Variants in CACNA2D1 observed in about 807,000 individuals in gnomAD.
CACNA2D1 encodes the protein voltage-dependent calcium channel subunit alpha-2/delta-1.
Under a neutral mutation model 171.5 loss-of-function variants are expected in CACNA2D1, and 53 were observed. The ratio of observed to expected loss-of-function variants is 0.31; its 90% CI spans 0.25 to 0.39. The LOEUF (loss-of-function observed/expected upper bound fraction) is 0.39. Ranked by LOEUF, CACNA2D1 falls within the 10% of genes least tolerant of loss-of-function variation. CACNA2D1 has a pLI of 1.00. For missense variants in CACNA2D1, 903 were observed against 1,299.8 expected (o/e 0.69, Z 4.69); for synonymous variants, 442 against 443.1 (o/e 1.00, Z 0.03).
intron 22 of CACNA2D1, 106 bp downstream of exon 22, chr7:81,984,529 A>G: frequency 1.4e-6 from 1 of 717,514 alleles, no homozygotes; most frequent in Non-Finnish European, 2.6e-6. Flanking sequence ...AATAACACCT[A>G]CTAAAATATT....
intron 24 of CACNA2D1, among the ~76,000 whole-genome samples, chr7:81,975,207 T>C (rs994024409): frequency 6.6e-6 from 1 of 152,152 alleles, no homozygotes; most frequent in Non-Finnish European, 1.5e-5. Context: ...ATATAGGTTC[T>C]CTCTGTATTA....
intron 15 of CACNA2D1, among the ~76,000 whole-genome samples, chr7:82,010,312 A>G (rs189075770): frequency 6.6e-6 from 1 of 151,942 alleles, no homozygotes; most frequent in East Asian, 1.9e-4. Flanking sequence ...GGATCACTTT[A>G]TCATCTTCAA....
At chr7:82,299,293 CT>C in intron 3 of CACNA2D1, among the ~76,000 whole-genome samples, 1 of 151,960 alleles carries the variant, frequency 6.6e-6, no homozygotes, top group South Asian at 2.1e-4. Flanking sequence ...CTTTTACTTT[CT>C]CATTATTGTT....
chr7:82,349,886 AC>A (rs1663361253), intron 1 of CACNA2D1, among the ~76,000 whole-genome samples: 1 of 152,200 alleles, frequency 6.6e-6, no homozygotes, highest in African/African-American at 2.4e-5. Context: ...GAGAAAAATG[AC>A]ATTGATGTCT....
At chr7:82,393,111 CAGGG>C (rs1413640781) in intron 1 of CACNA2D1, among the ~76,000 whole-genome samples, 3 of 86,874 alleles carry the variant, frequency 3.5e-5, no homozygotes, top group Admixed American at 1.6e-4. Flanking sequence ...GGCAGGCAGG[CAGGG>C]AGGGAGGGAG....
intron 3 of CACNA2D1, among the ~76,000 whole-genome samples, chr7:82,194,069 A>T (rs1479808778): frequency 6.6e-6 from 1 of 152,016 alleles, no homozygotes; most frequent in Non-Finnish European, 1.5e-5. Context: ...GTTTGTGTTG[A>T]ATTAAATTTC....
chr7:82,248,193 A>G (rs1805162518), intron 3 of CACNA2D1, among the ~76,000 whole-genome samples: 1 of 152,238 alleles, frequency 6.6e-6, no homozygotes, highest in African/African-American at 2.4e-5. Context: ...TACTTCATGC[A>G]TAAGGTTAAT....
chr7:82,331,373 T>C (rs1817283741), intron 3 of CACNA2D1, among the ~76,000 whole-genome samples: 1 of 151,962 alleles, frequency 6.6e-6, no homozygotes, highest in African/African-American at 2.4e-5. Context: ...TCTCCCTGAG[T>C]ATAAGCCTAC....
chr7:82,128,488 A>G (rs1029574), intron 5 of CACNA2D1, among the ~76,000 whole-genome samples: 26,155 of 152,076 alleles, frequency 0.17, 2,585 homozygotes, highest in East Asian at 0.34. Context: ...AAACTTTCCC[A>G]CAAACTGACT....
At chr7:82,218,054 C>G (rs543189593) in intron 3 of CACNA2D1, among the ~76,000 whole-genome samples, 36 of 152,038 alleles carry the variant, frequency 2.4e-4, no homozygotes, top group African/African-American at 8.7e-4. Context: ...CCTGCCTCAG[C>G]CTCCTGAGTA....
At chr7:82,233,018 A>T (rs2129280979) in intron 3 of CACNA2D1, among the ~76,000 whole-genome samples, 1 of 152,226 alleles carries the variant, frequency 6.6e-6, no homozygotes, top group Non-Finnish European at 1.5e-5. Flanking sequence ...CTTCAAGCAG[A>T]CGTGTCCAAA....
chr7:82,199,987 T>C (rs1158071458), intron 3 of CACNA2D1, among the ~76,000 whole-genome samples: 1 of 152,102 alleles, frequency 6.6e-6, no homozygotes, highest in East Asian at 1.9e-4. Context: ...GAATACATAC[T>C]GCATGGTTCC....
chr7:81,988,276 T>C (rs1470318093), intron 21 of CACNA2D1, among the ~76,000 whole-genome samples: 13 of 152,104 alleles, frequency 8.5e-5, no homozygotes, highest in African/African-American at 2.4e-5. Flanking sequence ...AATCCAAAAA[T>C]TGAAAGGTGG....
rs115021954 is a variant in CACNA2D1 at position 82,238,697 on chromosome 7, A to G, written c.295-68088T>C. ...GAAGAATCTATGAGGTTTTTTGAGA[A>G]GAGGAATCTTGGATCTTGACTTAGA... On this transcript the variant is annotated intron_variant, in intron 3 of 38. Coordinates refer to ENST00000356860, the MANE Select transcript of CACNA2D1 (RefSeq NM_000722.4). 5.1e-3 allele frequency among the ~76,000 whole-genome samples: 769 copies of G among 152,190 alleles called. 5 individuals are homozygous for G. The highest frequency in any genetic ancestry group is 0.017 in the African/African-American group (725 of 41,562).
chr7:82,393,811 A>G (rs966183899), intron 1 of CACNA2D1, among the ~76,000 whole-genome samples: 3 of 152,246 alleles, frequency 2.0e-5, no homozygotes, highest in Non-Finnish European at 2.9e-5. Flanking sequence ...ACAAATGTGT[A>G]AAATAATAAC....
chr7:82,270,260 T>C (rs185697709), intron 3 of CACNA2D1, among the ~76,000 whole-genome samples: 18 of 152,274 alleles, frequency 1.2e-4, no homozygotes, highest in Admixed American at 1.1e-3. Context: ...ACCCAAAAGG[T>C]AGCTATTGTC....
intron 6 of CACNA2D1, among the ~76,000 whole-genome samples, chr7:82,103,708 C>G (rs1812973302): frequency 6.6e-6 from 1 of 151,938 alleles, no homozygotes; most frequent in Non-Finnish European, 1.5e-5. Context: ...AAATAGAAGT[C>G]AATTTTAATC....
intron 3 of CACNA2D1, among the ~76,000 whole-genome samples, chr7:82,330,889 C>G (rs1286372798): frequency 6.6e-6 from 1 of 152,046 alleles, no homozygotes; most frequent in Non-Finnish European, 1.5e-5. Context: ...ATTTCACAAT[C>G]AAATTCACAT....
intron 4 of CACNA2D1, among the ~76,000 whole-genome samples, chr7:82,138,227 T>C (rs1791908054): frequency 6.6e-6 from 1 of 151,994 alleles, no homozygotes; most frequent in Non-Finnish European, 1.5e-5. Context: ...AATATAGGTC[T>C]CCATGAAGAC....
Sources: gnomAD v4.1 joint callset for allele counts (sites outside exome capture counted in the v4.1 genomes callset) on GRCh38, gnomAD v4.1.1 for gene constraint, MANE v1.5 for transcripts, NCBI Gene and HGNC (gene_info 2026-07-23, HGNC 2026-07-21) for gene names.